Variants in DYNC1I2 observed in about 807,000 individuals in gnomAD.
The protein encoded by DYNC1I2 is cytoplasmic dynein 1 intermediate chain 2.
A neutral mutation model predicts 88.6 loss-of-function variants in DYNC1I2; 53 were observed. The ratio of observed to expected loss-of-function variants is 0.60; its 90% confidence interval spans 0.48 to 0.75. DYNC1I2 has a LOEUF of 0.75. Ranked by LOEUF, DYNC1I2 falls within the 30% of genes least tolerant of loss-of-function variation. The probability of loss-of-function intolerance (pLI) is 0.00; values close to 1 mark genes in which losing one functional copy is unlikely to be tolerated. For synonymous variants in DYNC1I2, 198 were observed against 254.6 expected, an observed-to-expected ratio of 0.78 and a Z score of 2.12; for missense variants, 458 against 766.6, an observed-to-expected ratio of 0.60 and a Z score of 4.75.
intron 7 of DYNC1I2, among the ~76,000 whole-genome samples, chr2:171,716,579 T>C (rs1574566823): frequency 1.3e-5 from 2 of 151,960 alleles, no homozygotes; most frequent in East Asian, 3.9e-4. Flanking sequence ...CCAAAGAAAA[T>C]CTTTAAATTT....
At chr2:171,727,302 G>A (rs1688318512) in intron 11 of DYNC1I2, among the ~76,000 whole-genome samples, 1 of 152,122 alleles carries the variant, frequency 6.6e-6, no homozygotes, top group African/African-American at 2.4e-5. Flanking sequence ...ATGGCCTGAG[G>A]AATTGGAACT....
At position 171,726,774 on chromosome 2, in the gene DYNC1I2, T is replaced by C. The variant is rs1574597814; in HGVS notation, c.871-17T>C. 6 of 1,610,526 alleles carry C rather than the reference T, an allele frequency of 3.7e-6. No homozygotes were observed. Among genetic ancestry groups the C allele is most frequent in the African/African-American group, 1.3e-5 (1 of 74,702 alleles). On this transcript the variant is annotated splice_polypyrimidine_tract_variant and intron_variant, in intron 10 of 17. Coordinates refer to ENST00000397119, the MANE Select transcript of DYNC1I2 (RefSeq NM_001378.3). ...ATTATGCATAGCATTTCTTTTCTTC[T>C]TGATTCTTCTGAGCAGTATCCGGAG...
chr2:171,706,454 T>A (rs1574536492), intron 3 of DYNC1I2, 93 bp from the exon 4 acceptor site: 1 of 1,037,302 alleles, frequency 9.6e-7, no homozygotes, highest in East Asian at 2.6e-5. Context: ...AAGCACTTGC[T>A]GTTTATTTTA....
intron 5 of DYNC1I2, among the ~76,000 whole-genome samples, chr2:171,708,295 G>A (rs572559534): frequency 6.6e-6 from 1 of 152,106 alleles, no homozygotes; most frequent in Non-Finnish European, 1.5e-5. Flanking sequence ...TCTAGTTGAA[G>A]TTACAAACCA....
At chr2:171,715,838 T>C (rs1315459584) in intron 7 of DYNC1I2, among the ~76,000 whole-genome samples, 1 of 152,198 alleles carries the variant, frequency 6.6e-6, no homozygotes, top group Admixed American at 6.5e-5. Context: ...ATGTAAATTA[T>C]TTCTGAAAAG....
intron 7 of DYNC1I2, among the ~76,000 whole-genome samples, chr2:171,724,761 T>C (rs1688124609): frequency 6.6e-6 from 1 of 152,170 alleles, no homozygotes; most frequent in Admixed American, 6.5e-5. Flanking sequence ...GCAATAAAAA[T>C]AAACATTTTC....
Position 171,725,925 on chromosome 2 carries a change from C to A in DYNC1I2, c.614C>A (p.Pro205His), listed in dbSNP as rs756248563. The A allele has an allele frequency of 1.3e-6, 2 of 1,570,918 alleles. No homozygotes were observed. The highest frequency in any genetic ancestry group is 2.8e-5 in the African/African-American group (2 of 72,408). Residue 205 changes from proline to histidine, a missense_variant, in exon 9 of 18, where the codon CCT becomes CAT. By Grantham distance (77) the Pro-to-His change is moderately conservative (BLOSUM62 -2). Transcript: ENST00000397119. ...AAAATTATTTATTTTCCAGCTCCCC[C>A]TCATGAGCTGACTGAAGAAGAAAAG... is the stretch of plus-strand genomic sequence containing the variant. ...KDEENDSKAP[P>H]HELTEEEKQQ...
chr2:171,712,244 A>G (rs1246989582), intron 5 of DYNC1I2, among the ~76,000 whole-genome samples: 1 of 152,184 alleles, frequency 6.6e-6, no homozygotes, highest in Non-Finnish European at 1.5e-5. Flanking sequence ...TCCCAGTGGG[A>G]TAGTCTTTGG....
At chr2:171,724,636 G>A (rs534117596) in intron 7 of DYNC1I2, among the ~76,000 whole-genome samples, 165 of 152,286 alleles carry the variant, frequency 1.1e-3, no homozygotes, top group South Asian at 6.2e-3. Flanking sequence ...ATGAGTCAGG[G>A]AAATGACTAC....
intron 15 of DYNC1I2, among the ~76,000 whole-genome samples, chr2:171,731,632 G>A (rs1338377483): frequency 1.3e-5 from 2 of 151,918 alleles, no homozygotes; most frequent in African/African-American, 4.8e-5. Flanking sequence ...GCGCACCTGT[G>A]GTCCTAGCTA....
At chr2:171,746,988 G>A (rs1393427740) in intron 17 of DYNC1I2, among the ~76,000 whole-genome samples, 1 of 151,898 alleles carries the variant, frequency 6.6e-6, no homozygotes, top group African/African-American at 2.4e-5. Flanking sequence ...GAGGTCAGGA[G>A]TTCGAGACCA....
chr2:171,744,524 A>G (rs1234552394), intron 16 of DYNC1I2, among the ~76,000 whole-genome samples: 1 of 152,218 alleles, frequency 6.6e-6, no homozygotes, highest in Non-Finnish European at 1.5e-5. Flanking sequence ...AGACTGTTGA[A>G]GTATGTTAAC....
chr2:171,739,872 A>G (rs1458063675), intron 15 of DYNC1I2, among the ~76,000 whole-genome samples: 2 of 151,542 alleles, frequency 1.3e-5, no homozygotes, highest in Non-Finnish European at 2.9e-5. Flanking sequence ...TGCCTGGCTA[A>G]TTTTTATATT....
At position 171,737,025 on chromosome 2, in the gene DYNC1I2, CT is replaced by C. The variant is rs565545697; in HGVS notation, c.1537-7021del. 2.6e-3 allele frequency among the ~76,000 whole-genome samples: 398 copies of C among 152,286 alleles called. 2 individuals carry two copies. The highest frequency in any genetic ancestry group is 8.6e-3 in the African/African-American group (359 of 41,566). ...TGGCTTAAAATGACAGAAATTTATT[CT>C]TTCACATTTCTGGAGGCCAGAAGTC... On this transcript the variant is annotated intron_variant, in intron 15 of 17. Transcript: ENST00000397119.
At chr2:171,694,250 T>A (rs1685592854) in intron 3 of DYNC1I2, among the ~76,000 whole-genome samples, 1 of 152,122 alleles carries the variant, frequency 6.6e-6, no homozygotes, top group Non-Finnish European at 1.5e-5. Context: ...TTGGCCAGGC[T>A]GGTCTCGAAC....
At chr2:171,700,590 C>G (rs1055284905) in intron 3 of DYNC1I2, among the ~76,000 whole-genome samples, 4 of 152,090 alleles carry the variant, frequency 2.6e-5, no homozygotes, top group Non-Finnish European at 4.4e-5. Context: ...CTTGTTTAAT[C>G]GTAACTATAA....
In DYNC1I2 at chr2:171,729,648, G is replaced by A. The variant is rs190787114; in HGVS notation, c.1392-61G>A. On this transcript the variant is annotated intron_variant, in intron 14 of 17. Coordinates refer to ENST00000397119, the MANE Select transcript of DYNC1I2 (RefSeq NM_001378.3). ...CTGATATATAAACCTATAATAAAAT[G>A]TGTATGTAATTGGTCTACTTATAGG... is the stretch of plus-strand genomic sequence containing the variant. The A allele has an allele frequency of 1.2e-3, 1,867 of 1,559,992 alleles. 6 individuals are homozygous for A. Among genetic ancestry groups the A allele is most frequent in the Non-Finnish European group, 1.4e-3 (1,589 of 1,138,584 alleles).
At chr2:171,707,176 ATT>A in intron 4 of DYNC1I2, 109 bp from the exon 5 acceptor site, 1 of 1,508,510 alleles carries the variant, frequency 6.6e-7, no homozygotes, top group East Asian at 2.5e-5. Flanking sequence ...TTGGTTTGCC[ATT>A]GTTTTTTTCT....
chr2:171,741,947 T>A (rs910083600), intron 15 of DYNC1I2, among the ~76,000 whole-genome samples: 7 of 151,796 alleles, frequency 4.6e-5, no homozygotes, highest in Non-Finnish European at 8.8e-5. Context: ...CTGAGCATGG[T>A]GGTGCACGCC....
Sources: allele counts gnomAD v4.1 joint callset (sites outside exome capture counted in the v4.1 genomes callset), GRCh38; gene constraint gnomAD v4.1.1; transcripts MANE v1.5; gene names NCBI Gene and HGNC (gene_info 2026-07-23, HGNC 2026-07-21).